Variants in RHBDD1 observed in about 807,000 individuals in gnomAD.
RHBDD1 encodes rhomboid-related protein 4.
A neutral mutation model predicts 36.3 loss-of-function variants in RHBDD1; 38 were observed. That is an observed-to-expected ratio of 1.05 (90% CI 0.81 to 1.37). RHBDD1 has a LOEUF of 1.37. Among genes scored for constraint, RHBDD1 ranks in the 40% most tolerant of loss-of-function variants. The pLI is 0.00. For synonymous variants in RHBDD1, 151 were observed against 136.5 expected (o/e 1.11, Z -0.74); for missense variants, 393 against 377.6 (o/e 1.04, Z -0.34).
At chr2:226,923,029 C>A (rs1474699537) in intron 8 of RHBDD1, among the ~76,000 whole-genome samples, 1 of 152,126 alleles carries the variant, frequency 6.6e-6, no homozygotes, top group Non-Finnish European at 1.5e-5. Flanking sequence ...ATCTTATAGT[C>A]TTTCTACTCA....
chr2:226,915,285 G>A lies in RHBDD1; in HGVS notation c.856+934G>A, dbSNP rs184116028. 5.9e-4 allele frequency among the ~76,000 whole-genome samples: 89 copies of A among 152,088 alleles called. 1 individual carries two copies. Among genetic ancestry groups the A allele is most frequent in the Admixed American group, 2.5e-3 (38 of 15,262 alleles). ...GTGTAGAACTTGAAGAGCTGTGGACGGGCATTCTCTGCAGAAGTCTGAATA... is the reference window on the plus strand; with the variant it reads ...GTGTAGAACTTGAAGAGCTGTGGACAGGCATTCTCTGCAGAAGTCTGAATA... On this transcript the variant is annotated intron_variant, in intron 8 of 8. Coordinates refer to ENST00000392062, the MANE Select transcript of RHBDD1 (RefSeq NM_001167608.3).
chr2:226,940,592 A>G (rs1950603541), intron 8 of RHBDD1, among the ~76,000 whole-genome samples: 1 of 152,102 alleles, frequency 6.6e-6, no homozygotes. Context: ...GATTATTATA[A>G]TTCATTAAAA....
chr2:226,843,250 A>T (rs1444793404), intron 3 of RHBDD1, among the ~76,000 whole-genome samples: 1 of 152,172 alleles, frequency 6.6e-6, no homozygotes, highest in Non-Finnish European at 1.5e-5. Context: ...TCCTATTTGA[A>T]TACACTTTAT....
At chr2:226,902,493 A>G (rs1947681229) in intron 5 of RHBDD1, among the ~76,000 whole-genome samples, 1 of 152,152 alleles carries the variant, frequency 6.6e-6, no homozygotes, top group Admixed American at 6.5e-5. Context: ...TATCTCTTAG[A>G]GGGTGAAGGG....
At chr2:226,909,758 A>G (rs1464406969) in intron 7 of RHBDD1, among the ~76,000 whole-genome samples, 2 of 152,156 alleles carry the variant, frequency 1.3e-5, no homozygotes, top group Non-Finnish European at 2.9e-5. Context: ...CCACACTGGC[A>G]TCGCAAGCTT....
chr2:226,963,679 A>C lies in RHBDD1; in HGVS notation c.857-31752A>C, dbSNP rs112196559. Among the ~76,000 whole-genome samples, 779 of 152,230 alleles carry C rather than the reference A, an allele frequency of 5.1e-3. 1 individual carries two copies. The highest frequency in any genetic ancestry group is 9.0e-3 in the Non-Finnish European group (609 of 68,008). ...TCTTCCATTTACCTGGAAAAATCCC[A>C]GACTTGAGTGAGCCTGGCCACTAGG... On this transcript the variant is annotated intron_variant, in intron 8 of 8. Transcript: ENST00000392062.
intron 8 of RHBDD1, among the ~76,000 whole-genome samples, chr2:226,948,484 G>A (rs1458845010): frequency 6.9e-6 from 1 of 145,724 alleles, no homozygotes; most frequent in Non-Finnish European, 1.5e-5. Context: ...GAGTTAGTGG[G>A]TGCAGCGCAC....
intron 3 of RHBDD1, among the ~76,000 whole-genome samples, chr2:226,841,690 C>G (rs1941652235): frequency 6.6e-6 from 1 of 152,178 alleles, no homozygotes; most frequent in Admixed American, 6.5e-5. Context: ...CTTTATCCAT[C>G]TATCATTGAT....
At chr2:226,889,645 A>G (rs1324436611) in intron 5 of RHBDD1, among the ~76,000 whole-genome samples, 1 of 152,180 alleles carries the variant, frequency 6.6e-6, no homozygotes, top group Non-Finnish European at 1.5e-5. Flanking sequence ...GTGTTTCCAT[A>G]AACAGTTATA....
At chr2:226,911,165 G>C (rs1483298546) in intron 7 of RHBDD1, among the ~76,000 whole-genome samples, 1 of 152,138 alleles carries the variant, frequency 6.6e-6, no homozygotes, top group Non-Finnish European at 1.5e-5. Context: ...TAGATATACA[G>C]TTTCTATGTG....
intron 5 of RHBDD1, among the ~76,000 whole-genome samples, chr2:226,872,431 A>G (rs1944871486): frequency 6.6e-6 from 1 of 152,148 alleles, no homozygotes; most frequent in African/African-American, 2.4e-5. Flanking sequence ...TTCCGTAGAG[A>G]GAACATCATG....
intron 5 of RHBDD1, among the ~76,000 whole-genome samples, chr2:226,880,819 G>A (rs146478807): frequency 3.3e-4 from 51 of 152,246 alleles, no homozygotes; most frequent in Middle Eastern, 6.8e-3. Context: ...TAAATAAGCC[G>A]AAAAGAAAGT....
upstream of RHBDD1, among the ~76,000 whole-genome samples, chr2:226,831,981 A>G (rs1940754809): frequency 1.3e-5 from 2 of 151,336 alleles, no homozygotes; most frequent in South Asian, 4.2e-4. Flanking sequence ...CTAAAAAACA[A>G]ACTTTTGATT....
rs756975427 is a variant in RHBDD1 at position 226,867,089 on chromosome 2, C to T, written c.434-97C>T. ...TTTAAAGCACAAAGTTGGATGTAAT[C>T]GAATAATCATTTTCACTTTTAATTA... On this transcript the variant is annotated intron_variant, in intron 4 of 8. Coordinates refer to ENST00000392062, the MANE Select transcript of RHBDD1 (RefSeq NM_001167608.3). 2.8e-5 allele frequency: 35 copies of T among 1,231,444 alleles called. No individual in the cohort carries two copies. The Admixed American group carries it at 3.0e-4, about 11-fold the overall frequency. The allele number at this position is 1,231,444 out of a possible 1,614,324, so 76.3% of individuals were successfully genotyped here.
the RHBDD1 span, among the ~76,000 whole-genome samples, chr2:226,812,775 G>T: frequency 6.6e-6 from 1 of 152,010 alleles, no homozygotes; most frequent in Non-Finnish European, 1.5e-5. Context: ...CATATTGCTT[G>T]TTTTGTTTTG....
At chr2:226,935,577 C>T (rs1264823265) in intron 8 of RHBDD1, among the ~76,000 whole-genome samples, 1 of 151,918 alleles carries the variant, frequency 6.6e-6, no homozygotes, top group Non-Finnish European at 1.5e-5. Context: ...CCTAGCATAA[C>T]CATTAACTAA....
upstream of RHBDD1, chr2:226,835,902 C>T (rs1345354961): frequency 1.3e-5 from 2 of 152,446 alleles, no homozygotes; most frequent in East Asian, 1.9e-4. Flanking sequence ...ACTGCCGGCG[C>T]ACGCGGTCTG....
chr2:226,865,069 G>C lies in RHBDD1; in HGVS notation c.376G>C (p.Val126Leu), dbSNP rs756942729. 10 of 1,614,042 alleles carry C rather than the reference G, an allele frequency of 6.2e-6. No individual in the cohort carries two copies. In the Admixed American group the frequency reaches 1.5e-4, roughly 24 times the overall value. Residue 126 changes from valine to leucine, a missense_variant, in exon 4 of 9, where the codon GTT becomes CTT. By Grantham distance (32) the Val-to-Leu change is conservative. Coordinates refer to ENST00000392062, the MANE Select transcript of RHBDD1 (RefSeq NM_001167608.3). ...GGTATACCTGCTCTTGCAATTTGCT[G>C]TTGCCGAATTTATGGATGAACCTGA... ...GVVYLLLQFA[V>L]AEFMDEPDFK... is the part of the protein sequence containing the mutation.
upstream of RHBDD1, among the ~76,000 whole-genome samples, chr2:226,833,033 A>G (rs1187663677): frequency 1.3e-5 from 2 of 152,172 alleles, no homozygotes; most frequent in Non-Finnish European, 2.9e-5. Context: ...GTTTCATCTG[A>G]TATTAGTATA....
Sources: allele counts gnomAD v4.1 joint callset (sites outside exome capture counted in the v4.1 genomes callset), GRCh38; gene constraint gnomAD v4.1.1; transcripts MANE v1.5; gene names NCBI Gene and HGNC (gene_info 2026-07-23, HGNC 2026-07-21).